Variants in OSBPL3 observed in about 807,000 individuals in gnomAD.
The protein encoded by OSBPL3 is oxysterol-binding protein-related protein 3.
In OSBPL3, 65 loss-of-function variants were observed where a neutral mutation model predicts 120.1. The ratio of observed to expected loss-of-function variants is 0.54; its 90% CI spans 0.44 to 0.67. The LOEUF is 0.67. Among genes scored for constraint, OSBPL3 ranks in the 30% least tolerant of loss-of-function variants. OSBPL3 has a pLI of 0.00. For missense variants in OSBPL3, 1,004 were observed against 1,082.1 expected, an observed-to-expected ratio of 0.93 and a Z score of 1.01; for synonymous variants, 416 against 402.6, an observed-to-expected ratio of 1.03 and a Z score of -0.40.
In OSBPL3 at chr7:24,810,623, T is replaced by C. The variant is rs187780106; in HGVS notation, c.2173-672A>G. On this transcript the variant is annotated intron_variant, in intron 19 of 22. Transcript: ENST00000313367. ...TAATTATAGTCATCATGTTGTACGATAGATTTCTTGAACTAATTCTTCCTG... is the reference window on the plus strand; with the variant it reads ...TAATTATAGTCATCATGTTGTACGACAGATTTCTTGAACTAATTCTTCCTG... Among the ~76,000 whole-genome samples, 144 of 152,350 alleles carry C rather than the reference T, an allele frequency of 9.5e-4. 1 individual carries two copies. Among genetic ancestry groups the C allele is most frequent in the Middle Eastern group, 3.4e-3 (1 of 294 alleles).
chr7:24,841,357 T>A (rs1797716662), intron 13 of OSBPL3, among the ~76,000 whole-genome samples: 1 of 151,588 alleles, frequency 6.6e-6, no homozygotes, highest in African/African-American at 2.4e-5. Flanking sequence ...GATTAAAAAA[T>A]ATACGGGATG....
chr7:24,832,895 T>C (rs890678339), intron 15 of OSBPL3, among the ~76,000 whole-genome samples: 2 of 152,130 alleles, frequency 1.3e-5, no homozygotes, highest in East Asian at 1.9e-4. Flanking sequence ...AGTGGTTATG[T>C]TGGGGATGAG....
At chr7:24,874,761 A>T (rs1802624014) in intron 2 of OSBPL3, among the ~76,000 whole-genome samples, 2 of 152,180 alleles carry the variant, frequency 1.3e-5, no homozygotes, top group Non-Finnish European at 1.5e-5. Flanking sequence ...TGGAAAAGCC[A>T]GGTTTGAAAT....
At chr7:24,954,235 C>CT (rs1241714069) in intron 1 of OSBPL3, among the ~76,000 whole-genome samples, 1 of 152,018 alleles carries the variant, frequency 6.6e-6, no homozygotes, top group East Asian at 1.9e-4. Flanking sequence ...AATTTTTTTT[C>CT]TTTTTGCATA....
intron 12 of OSBPL3, among the ~76,000 whole-genome samples, chr7:24,848,337 CATTT>C (rs1441403936): frequency 3.3e-5 from 5 of 152,158 alleles, no homozygotes; most frequent in Non-Finnish European, 7.3e-5. Flanking sequence ...CAGTCTAATT[CATTT>C]GTTAATAAAA....
At position 24,892,428 on chromosome 7, in the gene OSBPL3, T is replaced by C. The variant is rs1207150591; in HGVS notation, c.45A>G (p.Val15=). ...AGCTACTTGTGCTCCTTGAAGGTGA[T>C]ACCAATTTTTGGGACACACCAAGGT... The part of the protein sequence containing the change: ...EKNLGVSQKL[V]SPSRSTSSCS... The change falls in exon 2 of 23, where the codon GTA becomes GTG. Residue 15 remains valine, a synonymous_variant. Coordinates refer to ENST00000313367, the MANE Select transcript of OSBPL3 (RefSeq NM_015550.4). The C allele has an allele frequency of 5.0e-6, 8 of 1,613,878 alleles. No individual in the cohort carries two copies. The South Asian group carries it at 6.6e-5, about 13-fold the overall frequency.
chr7:24,869,388 A>G (rs1447777827), intron 5 of OSBPL3, among the ~76,000 whole-genome samples: 1 of 152,230 alleles, frequency 6.6e-6, no homozygotes, highest in Non-Finnish European at 1.5e-5. Context: ...GTGGAGACTG[A>G]TCAATGAAAC....
At position 24,862,213 on chromosome 7, in the gene OSBPL3, C is replaced by T. The variant is rs1454378007; in HGVS notation, c.871-444G>A. Among the ~76,000 whole-genome samples the T allele has an allele frequency of 1.3e-5, 2 of 152,172 alleles. No individual in the cohort carries two copies. The highest frequency in any genetic ancestry group is 4.8e-5 in the African/African-American group (2 of 41,438). On this transcript the variant is annotated intron_variant, in intron 9 of 22. Transcript: ENST00000313367. The surrounding 1 kb of genome is among the most constrained non-coding windows in gnomAD (Gnocchi z 4.4). ...GGTAGGTCTTTCTACTGAGTGATAACTTATTTTAAAAAATGAGAACTCAAG... is the reference window on the plus strand; with the variant it reads ...GGTAGGTCTTTCTACTGAGTGATAATTTATTTTAAAAAATGAGAACTCAAG...
chr7:24,870,866 T>TGACC, intron 4 of OSBPL3, 21 bp from the exon 5 acceptor site: 2 of 1,470,516 alleles, frequency 1.4e-6, no homozygotes, highest in Non-Finnish European at 1.9e-6. Context: ...ACCAAGAGGG[T>TGACC]CACTTGGGGA....
rs1313748941 is a variant in OSBPL3, at chr7:24,797,651, T to C, written c.*2532A>G. ...CGACAGCTGTGACAGGAACATTACC[T>C]GAAGTGCAGGGTGGTTACCTGCACA... is the stretch of plus-strand genomic sequence containing the variant. On this transcript the variant is annotated 3_prime_UTR_variant, in exon 23 of 23. Coordinates refer to ENST00000313367, the MANE Select transcript of OSBPL3 (RefSeq NM_015550.4). The surrounding 1 kb of genome is among the most constrained non-coding windows in gnomAD (Gnocchi z 4.8). 1 of 152,040 alleles carries C rather than the reference T, an allele frequency of 6.6e-6. No individual in the cohort carries two copies. Among genetic ancestry groups the C allele is most frequent in the Non-Finnish European group, 1.5e-5 (1 of 68,024 alleles). The allele number at this position is 152,040 out of a possible 1,614,324, so 9.4% of individuals were successfully genotyped here. A position where few individuals can be genotyped will look rare whatever the true frequency, so the allele number is the denominator to read the frequency against.
rs368054747 is a variant in OSBPL3 at position 24,813,548 on chromosome 7, G to T, written c.2172+1511C>A. ...AGCTTAGACAAAGCTTTCAAGGTAG[G>T]GTCATTTTTATTTTGTCCCACATGT... On this transcript the variant is annotated intron_variant, in intron 19 of 22. Transcript: ENST00000313367. This position sits in a 1 kb window ranked among gnomAD's most constrained non-coding sequence, Gnocchi z 4.5. Among the ~76,000 whole-genome samples the T allele has an allele frequency of 1.3e-5, 2 of 152,000 alleles. No individual in the cohort carries two copies. The highest frequency in any genetic ancestry group is 1.9e-4 in the East Asian group (1 of 5,196).
rs1017709790 is a variant in OSBPL3, at chr7:24,937,833, T to C, written c.-150+42053A>G. 6.6e-6 allele frequency among the ~76,000 whole-genome samples: 1 copy of C among 152,254 alleles called. No homozygotes were observed. Among genetic ancestry groups the C allele is most frequent in the African/African-American group, 2.4e-5 (1 of 41,460 alleles). On this transcript the variant is annotated intron_variant, in intron 1 of 22. Transcript: ENST00000313367. The surrounding 1 kb of genome is among the most constrained non-coding windows in gnomAD (Gnocchi z 4.0). The stretch of plus-strand genomic sequence containing the variant: ...CTTGGTGTAGTCAAACTATTTAATT[T>C]GAACAAATTTGTGAGTGTAGAAACG...
rs1793079053 is a variant in OSBPL3 at position 24,806,658 on chromosome 7, A to C, written c.2444+118T>G. 2 of 900,464 alleles carry C rather than the reference A, an allele frequency of 2.2e-6. No homozygotes were observed. Among genetic ancestry groups the C allele is most frequent in the Non-Finnish European group, 3.4e-6 (2 of 593,870 alleles). The allele number at this position is 900,464 out of a possible 1,614,324, so 55.8% of individuals were successfully genotyped here. A position where few individuals can be genotyped will look rare whatever the true frequency, so the allele number is the denominator to read the frequency against. On this transcript the variant is annotated intron_variant, in intron 21 of 22. Transcript: ENST00000313367. The surrounding 1 kb of genome is among the most constrained non-coding windows in gnomAD (Gnocchi z 5.2). Reference sequence around the variant, plus strand: ...TTGTTTAAAGCATCCCCACCTCTCAATTCCTGATGACATTTTCCACCTTTC... The same window carrying C: ...TTGTTTAAAGCATCCCCACCTCTCACTTCCTGATGACATTTTCCACCTTTC...
chr7:24,858,118 C>T (rs1262384658), intron 10 of OSBPL3, among the ~76,000 whole-genome samples: 1 of 152,164 alleles, frequency 6.6e-6, no homozygotes, highest in African/African-American at 2.4e-5. Flanking sequence ...AAAAATCAAA[C>T]TCACAGTCTA....
intron 16 of OSBPL3, among the ~76,000 whole-genome samples, chr7:24,823,034 A>G (rs2128146273): frequency 6.6e-6 from 1 of 152,274 alleles, no homozygotes; most frequent in Admixed American, 6.5e-5. Context: ...TTGATAGCTT[A>G]TTATTTTGTA....
intron 2 of OSBPL3, among the ~76,000 whole-genome samples, chr7:24,890,527 C>G (rs1264956884): frequency 6.6e-6 from 1 of 152,144 alleles, no homozygotes; most frequent in East Asian, 1.9e-4. Flanking sequence ...CTAAGCATAC[C>G]CTGGGACAGA....
Position 24,799,676 on chromosome 7 carries a change from A to G in OSBPL3, c.*507T>C, listed in dbSNP as rs1792071553. 1 of 152,708 alleles carries G rather than the reference A, an allele frequency of 6.5e-6. No individual in the cohort carries two copies. The highest frequency in any genetic ancestry group is 1.5e-5 in the Non-Finnish European group (1 of 68,084). 9.5% of individuals were successfully genotyped at this position (152,708 alleles called of 1,614,324 possible). ...AAAATATTCTTCAGACTCCAGCACC[A>G]GCAGAATTGTTCTGTATGAGCAATT... On this transcript the variant is annotated 3_prime_UTR_variant, in exon 23 of 23. Coordinates refer to ENST00000313367, the MANE Select transcript of OSBPL3 (RefSeq NM_015550.4). The surrounding 1 kb of genome is among the most constrained non-coding windows in gnomAD (Gnocchi z 5.3).
intron 15 of OSBPL3, among the ~76,000 whole-genome samples, chr7:24,832,812 G>A (rs1466220101): frequency 6.6e-6 from 1 of 152,300 alleles, no homozygotes; most frequent in African/African-American, 2.4e-5. Flanking sequence ...GGTGGCATGA[G>A]GGAGAGTCCA....
At position 24,881,483 on chromosome 7, in the gene OSBPL3, T is replaced by C. The variant is rs1314509051; in HGVS notation, c.97-9414A>G. Among the ~76,000 whole-genome samples the C allele has an allele frequency of 3.3e-5, 5 of 152,174 alleles. No homozygotes were observed. The highest frequency in any genetic ancestry group is 1.2e-4 in the African/African-American group (5 of 41,440). Reference sequence around the variant, plus strand: ...AAGATGTAAAATCAAGTGCTGGATCTCAAAAAGCTAACATACATTACAAAT... The same window carrying C: ...AAGATGTAAAATCAAGTGCTGGATCCCAAAAAGCTAACATACATTACAAAT... On this transcript the variant is annotated intron_variant, in intron 2 of 22. Transcript: ENST00000313367. The surrounding 1 kb of genome is among the most constrained non-coding windows in gnomAD (Gnocchi z 4.3).
Sources: allele counts gnomAD v4.1 joint callset (sites outside exome capture counted in the v4.1 genomes callset), GRCh38; gene constraint gnomAD v4.1.1; non-coding constraint Gnocchi (gnomAD v3.1); transcripts MANE v1.5; gene names NCBI Gene and HGNC (gene_info 2026-07-23, HGNC 2026-07-21).